GAP43: variants seen among roughly 807,000 people sequenced by gnomAD.
GAP43 encodes the protein neuromodulin.
Under a neutral mutation model 18.6 loss-of-function variants are expected in GAP43, and 6 were observed. The observed-to-expected ratio is 0.32, with a 90% CI of 0.18 to 0.64. GAP43 has a LOEUF of 0.64. Among genes scored for constraint, GAP43 ranks in the 30% least tolerant of loss-of-function variants. The pLI, the probability that GAP43 is intolerant of heterozygous loss-of-function variation, is 0.78. For synonymous variants in GAP43, 115 were observed against 111.4 expected, an observed-to-expected ratio of 1.03 and a Z score of -0.20; for missense variants, 292 against 295.5, an observed-to-expected ratio of 0.99 and a Z score of 0.09.
intron 2 of GAP43, among the ~76,000 whole-genome samples, chr3:115,688,724 A>C (rs1201901572): frequency 6.6e-6 from 1 of 152,298 alleles, no homozygotes; most frequent in Admixed American, 6.5e-5. Flanking sequence ...ACGTGACACA[A>C]TTCAGCTGGG....
At chr3:115,680,451 C>G (rs1708947580) in intron 2 of GAP43, among the ~76,000 whole-genome samples, 1 of 152,128 alleles carries the variant, frequency 6.6e-6, no homozygotes, top group African/African-American at 2.4e-5. Context: ...GAGTGAGACC[C>G]TGTCTCAGAA....
intron 1 of GAP43, among the ~76,000 whole-genome samples, chr3:115,648,168 G>C (rs142922722): frequency 0.011 from 1,704 of 152,148 alleles, 30 homozygotes; most frequent in Admixed American, 0.033. Flanking sequence ...ACGCAATACT[G>C]TGGGCCCTTC....
intron 1 of GAP43, among the ~76,000 whole-genome samples, chr3:115,652,050 A>G (rs557106688): frequency 2.6e-5 from 4 of 152,206 alleles, no homozygotes; most frequent in African/African-American, 9.6e-5. Context: ...CCTTCTCATA[A>G]AAGACACTCA....
chr3:115,643,268 T>G (rs993122221), intron 1 of GAP43, among the ~76,000 whole-genome samples: 1 of 152,080 alleles, frequency 6.6e-6, no homozygotes, highest in African/African-American at 2.4e-5. Context: ...GATGGTGGTA[T>G]CCACGGTCTG....
chr3:115,714,073 G>A (rs999052636), intron 2 of GAP43, among the ~76,000 whole-genome samples: 1 of 152,108 alleles, frequency 6.6e-6, no homozygotes, highest in Non-Finnish European at 1.5e-5. Context: ...CAATAACTTA[G>A]AGGTTTTTGC....
At chr3:115,715,472 T>G (rs1442559324) in intron 2 of GAP43, among the ~76,000 whole-genome samples, 1 of 152,182 alleles carries the variant, frequency 6.6e-6, no homozygotes, top group Non-Finnish European at 1.5e-5. Flanking sequence ...AGCCCCTTCC[T>G]AAGTAATAAC....
chr3:115,624,270 CAATG>C (rs1261802997), intron 1 of GAP43, among the ~76,000 whole-genome samples: 11 of 150,448 alleles, frequency 7.3e-5, no homozygotes, highest in African/African-American at 2.5e-4. Flanking sequence ...ATTTATTTTT[CAATG>C]AATGAATGAA....
intron 1 of GAP43, among the ~76,000 whole-genome samples, chr3:115,665,333 C>T (rs1576987388): frequency 6.6e-6 from 1 of 152,136 alleles, no homozygotes; most frequent in Non-Finnish European, 1.5e-5. Flanking sequence ...ATTAGGATTG[C>T]TACTTATTCA....
chr3:115,698,707 G>A (rs145567992), intron 2 of GAP43, among the ~76,000 whole-genome samples: 28 of 152,130 alleles, frequency 1.8e-4, no homozygotes, highest in Non-Finnish European at 4.0e-4. Flanking sequence ...AATCCCAAAG[G>A]AAAGTGGGAA....
chr3:115,704,016 G>A (rs1709329386), intron 2 of GAP43, among the ~76,000 whole-genome samples: 1 of 152,064 alleles, frequency 6.6e-6, no homozygotes, highest in South Asian at 2.1e-4. Context: ...TTACTCAAAA[G>A]CAGCACCATA....
At chr3:115,705,200 GT>G (rs1559806186) in intron 2 of GAP43, among the ~76,000 whole-genome samples, 2 of 152,220 alleles carry the variant, frequency 1.3e-5, no homozygotes, top group East Asian at 3.9e-4. Flanking sequence ...AAATTTAAAT[GT>G]TACCCAAGCA....
At position 115,665,989 on chromosome 3, in the gene GAP43, A is replaced by AGTTTGTGTGTGT. The variant is rs1273344906; in HGVS notation, c.31-10022_31-10021insTTGTGTGTGTGT. ...CTGTATATGAAATAGTGGCTAAATG[A>AGTTTGTGTGTGT]GTGTGTGTGTGTGTGTGTGTGTGTG... On this transcript the variant is annotated intron_variant, in intron 1 of 2. Transcript: ENST00000305124. Among the ~76,000 whole-genome samples the AGTTTGTGTGTGT allele has an allele frequency of 3.9e-3, 240 of 61,728 alleles. 3 individuals are homozygous for AGTTTGTGTGTGT. The highest frequency in any genetic ancestry group is 0.012 in the African/African-American group (224 of 19,418). 40.5% of individuals were successfully genotyped at this position (61,728 alleles called of 152,430 possible).
chr3:115,629,197 T>C (rs1183625464), intron 1 of GAP43, among the ~76,000 whole-genome samples: 4 of 152,218 alleles, frequency 2.6e-5, no homozygotes, highest in African/African-American at 9.6e-5. Context: ...TTTTCATGAC[T>C]ACTCATCTGG....
chr3:115,645,612 A>G (rs201963418), intron 1 of GAP43, among the ~76,000 whole-genome samples: 1 of 29,176 alleles, frequency 3.4e-5, no homozygotes, highest in African/African-American at 6.2e-5. Context: ...ATCTTGGTGG[A>G]AAAAAAACCC....
intron 2 of GAP43, among the ~76,000 whole-genome samples, chr3:115,701,985 G>A (rs1709302752): frequency 6.6e-6 from 1 of 152,108 alleles, no homozygotes. Flanking sequence ...AGAATCAACA[G>A]ATACAGGTGC....
chr3:115,643,266 T>C (rs976984681), intron 1 of GAP43, among the ~76,000 whole-genome samples: 1 of 152,076 alleles, frequency 6.6e-6, no homozygotes, highest in Admixed American at 6.6e-5. Flanking sequence ...GTGATGGTGG[T>C]ATCCACGGTC....
intron 1 of GAP43, among the ~76,000 whole-genome samples, chr3:115,672,667 A>G (rs1708825488): frequency 6.6e-6 from 1 of 151,672 alleles, no homozygotes; most frequent in Non-Finnish European, 1.5e-5. Context: ...ACCTCTTCTT[A>G]GCCTGGTTTA....
At chr3:115,709,297 C>T (rs1203014695) in intron 2 of GAP43, among the ~76,000 whole-genome samples, 1 of 152,174 alleles carries the variant, frequency 6.6e-6, no homozygotes, top group African/African-American at 2.4e-5. Flanking sequence ...AACCTGCACT[C>T]TCCAGTTCCC....
Position 115,708,073 on chromosome 3 carries a change from A to G in GAP43, c.629-12721A>G, listed in dbSNP as rs968245830. Among the ~76,000 whole-genome samples the G allele has an allele frequency of 3.9e-5, 6 of 152,192 alleles. No individual in the cohort carries two copies. The East Asian group carries it at 9.6e-4, about 24-fold the overall frequency. Reference sequence around the variant, plus strand: ...GTATCTAGAAACATACTTTCCAGGCATGTTTCTAGGTACTTGGTATTCACT... The same window carrying G: ...GTATCTAGAAACATACTTTCCAGGCGTGTTTCTAGGTACTTGGTATTCACT... On this transcript the variant is annotated intron_variant, in intron 2 of 2. Coordinates refer to ENST00000305124, the MANE Select transcript of GAP43 (RefSeq NM_002045.4).
Sources: gnomAD v4.1 joint callset for allele counts (sites outside exome capture counted in the v4.1 genomes callset) on GRCh38, gnomAD v4.1.1 for gene constraint, MANE v1.5 for transcripts, NCBI Gene and HGNC (gene_info 2026-07-23, HGNC 2026-07-21) for gene names.